Variants in ZNHIT6 observed in about 807,000 individuals in gnomAD.
ZNHIT6 encodes the protein box C/D snoRNA protein 1.
ZNHIT6 carries 45 observed loss-of-function variants against 57.2 expected under a neutral mutation model. The ratio of observed to expected loss-of-function variants is 0.79; its 90% CI spans 0.62 to 1.01. The LOEUF is 1.01. ZNHIT6 is among the 50% of genes least tolerant of loss of function. The pLI is 0.00. For synonymous variants in ZNHIT6, 188 were observed against 190.0 expected (o/e 0.99, Z 0.09); for missense variants, 528 against 567.3 (o/e 0.93, Z 0.70).
rs371192859 is a variant in ZNHIT6 at position 85,687,281 on chromosome 1, C to CAAAAAAAAAAAAAAAAAAAAAAAAA, written c.1020-6378_1020-6377insTTTTTTTTTTTTTTTTTTTTTTTTT. ...GGTGACAAGAGTGAGAAGACTATCT[C>CAAAAAAAAAAAAAAAAAAAAAAAAA]AAAAAACAAAAAAAAAACAAAAAAA... On this transcript the variant is annotated intron_variant, in intron 5 of 9. Coordinates refer to ENST00000370574, the MANE Select transcript of ZNHIT6 (RefSeq NM_017953.4). 4.2e-4 allele frequency among the ~76,000 whole-genome samples: 14 copies of CAAAAAAAAAAAAAAAAAAAAAAAAA among 33,602 alleles called. 6 individuals are homozygous for CAAAAAAAAAAAAAAAAAAAAAAAAA. Among genetic ancestry groups the CAAAAAAAAAAAAAAAAAAAAAAAAA allele is most frequent in the East Asian group, 2.4e-3 (2 of 822 alleles). 22.0% of individuals were successfully genotyped at this position (33,602 alleles called of 152,430 possible).
intron 8 of ZNHIT6, among the ~76,000 whole-genome samples, chr1:85,675,335 C>T (rs1661672712): frequency 1.3e-5 from 2 of 152,228 alleles, no homozygotes; most frequent in Non-Finnish European, 2.9e-5. Flanking sequence ...AAGGTCCTCA[C>T]TCTAATGTTA....
At chr1:85,677,370 G>A (rs1176687583) in intron 7 of ZNHIT6, 57 bp from the exon 8 acceptor site, 2 of 1,412,658 alleles carry the variant, frequency 1.4e-6, no homozygotes, top group Non-Finnish European at 1.9e-6. Flanking sequence ...TTTCAAGATA[G>A]TCTTATGGAG....
Position 85,706,283 on chromosome 1 carries a change from T to C in ZNHIT6, c.795A>G (p.Ser265=). ...NGVRDKTAYI[S]IQQFTEMNLL... is the part of the protein sequence containing the mutation. ...GATTCATTTCAGTAAACTGTTGTAT[T>C]GAAATGTATGCAGTTTTATCTCGAA... Residue 265 remains serine (S), a synonymous_variant, in exon 3 of 10, where the codon TCA becomes TCG. Coordinates refer to ENST00000370574, the MANE Select transcript of ZNHIT6 (RefSeq NM_017953.4). 6.2e-7 allele frequency: 1 copy of C among 1,612,364 alleles called. No homozygotes were observed. The highest frequency in any genetic ancestry group is 8.5e-7 in the Non-Finnish European group (1 of 1,178,942).
chr1:85,663,259 G>C (rs1255934923), intron 8 of ZNHIT6, among the ~76,000 whole-genome samples: 2 of 152,112 alleles, frequency 1.3e-5, no homozygotes, highest in Non-Finnish European at 2.9e-5. Flanking sequence ...ATACTTATCA[G>C]GAATTATATT....
intron 9 of ZNHIT6, among the ~76,000 whole-genome samples, chr1:85,654,762 A>G (rs1661015250): frequency 6.6e-6 from 1 of 152,192 alleles, no homozygotes; most frequent in African/African-American, 2.4e-5. Flanking sequence ...TGGGAACCGG[A>G]GTAAGTGTTC....
At chr1:85,706,007 GT>G in intron 4 of ZNHIT6, 70 bp downstream of exon 4, 2 of 1,179,880 alleles carry the variant, frequency 1.7e-6, no homozygotes, top group African/African-American at 1.6e-5. Flanking sequence ...TATTTGGTAA[GT>G]TAAAAAAAAA....
chr1:85,707,484 C>T (rs914716607), intron 1 of ZNHIT6, 145 bp downstream of exon 1: 15 of 799,094 alleles, frequency 1.9e-5, no homozygotes, highest in Admixed American at 6.1e-5. Context: ...CCCAACCCAC[C>T]CCCGCGAACG....
chr1:85,702,695 TTTA>T (rs1161846265), intron 4 of ZNHIT6, among the ~76,000 whole-genome samples: 1 of 152,212 alleles, frequency 6.6e-6, no homozygotes, highest in Non-Finnish European at 1.5e-5. Context: ...TATCACTGAT[TTTA>T]TTACTAGACA....
chr1:85,695,701 T>C (rs564491707), intron 5 of ZNHIT6, among the ~76,000 whole-genome samples: 2 of 152,336 alleles, frequency 1.3e-5, no homozygotes, highest in South Asian at 4.1e-4. Context: ...TTAATCAACA[T>C]TAACAGCTTC....
At chr1:85,684,660 T>C (rs1661973289) in intron 5 of ZNHIT6, among the ~76,000 whole-genome samples, 1 of 152,218 alleles carries the variant, frequency 6.6e-6, no homozygotes, top group African/African-American at 2.4e-5. Context: ...TTACCAACAC[T>C]TGCTTACTAG....
At chr1:85,704,316 G>A (rs1436206783) in intron 4 of ZNHIT6, among the ~76,000 whole-genome samples, 2 of 151,982 alleles carry the variant, frequency 1.3e-5, no homozygotes, top group Non-Finnish European at 2.9e-5. Flanking sequence ...ATAATTCATA[G>A]ACAAAAGTAG....
chr1:85,679,366 T>C (rs1051449083), intron 6 of ZNHIT6, among the ~76,000 whole-genome samples: 7 of 152,148 alleles, frequency 4.6e-5, no homozygotes, highest in African/African-American at 1.7e-4. Flanking sequence ...TACTATTGGC[T>C]ACATACCCCT....
chr1:85,673,937 T>C (rs986045940), intron 8 of ZNHIT6, among the ~76,000 whole-genome samples: 1 of 152,214 alleles, frequency 6.6e-6, no homozygotes, highest in Non-Finnish European at 1.5e-5. Context: ...AAAATACTTA[T>C]AAAATTGAGG....
At chr1:85,692,404 G>A (rs1662245618) in intron 5 of ZNHIT6, among the ~76,000 whole-genome samples, 1 of 152,206 alleles carries the variant, frequency 6.6e-6, no homozygotes, top group Non-Finnish European at 1.5e-5. Flanking sequence ...GCTGCAGTAA[G>A]TAGAGGCCCA....
chr1:85,656,903 C>T (rs893431002), intron 9 of ZNHIT6, among the ~76,000 whole-genome samples: 1 of 152,106 alleles, frequency 6.6e-6, no homozygotes, highest in African/African-American at 2.4e-5. Context: ...CTGCATCTTA[C>T]AGCCTGTAAT....
At chr1:85,655,528 T>G (rs1186126233) in intron 9 of ZNHIT6, among the ~76,000 whole-genome samples, 1 of 152,224 alleles carries the variant, frequency 6.6e-6, no homozygotes, top group Admixed American at 6.5e-5. Flanking sequence ...ATTTCTAAAT[T>G]AATAAAGATT....
chr1:85,706,127 T>C lies in ZNHIT6; in HGVS notation c.866A>G (p.Asp289Gly), dbSNP rs768388032. ...CAAAAAAGCATCTCTAGAAATATGG[T>C]CCGCTGTTCTTGCCACATCTTCCAA... ...RFLEDVARTA[D>G]HISRDAFLKR... The change falls in exon 4 of 10, where the codon GAC becomes GGC. Residue 289 changes from aspartate (D) to glycine (G), a missense_variant. Physicochemically the swap from Asp to Gly is moderately conservative, Grantham distance 94. Coordinates refer to ENST00000370574, the MANE Select transcript of ZNHIT6 (RefSeq NM_017953.4). 7.4e-6 allele frequency: 12 copies of C among 1,613,826 alleles called. No homozygotes were observed. In the East Asian group the frequency reaches 2.5e-4, roughly 33 times the overall value.
chr1:85,698,429 C>T (rs1764294), intron 5 of ZNHIT6, among the ~76,000 whole-genome samples: 109,692 of 152,056 alleles, frequency 0.72, 42,116 homozygotes, highest in East Asian at 0.93. Flanking sequence ...GGTACAATGG[C>T]ACATTCATCA....
chr1:85,703,882 T>A (rs1283330799), intron 4 of ZNHIT6, among the ~76,000 whole-genome samples: 1 of 152,066 alleles, frequency 6.6e-6, no homozygotes, highest in Non-Finnish European at 1.5e-5. Context: ...TACAACCAAC[T>A]TGCACTAGCA....
Sources: allele counts gnomAD v4.1 joint callset (sites outside exome capture counted in the v4.1 genomes callset), GRCh38; gene constraint gnomAD v4.1.1; transcripts MANE v1.5; gene names NCBI Gene and HGNC (gene_info 2026-07-23, HGNC 2026-07-21).